SLCO6A1: variants seen among roughly 807,000 people sequenced by gnomAD.
SLCO6A1 encodes the protein cancer/testis antigen 48.
Under a neutral mutation model 72.7 loss-of-function variants are expected in SLCO6A1, and 65 were observed. The ratio of observed to expected loss-of-function variants is 0.89; its 90% CI spans 0.73 to 1.10. SLCO6A1 has a LOEUF of 1.10. Ranked by LOEUF, SLCO6A1 falls within the 50% of genes least tolerant of loss-of-function variation. The pLI is 0.00. For synonymous variants in SLCO6A1, 314 were observed against 298.2 expected (o/e 1.05, Z -0.55); for missense variants, 874 against 872.6 (o/e 1.00, Z -0.02).
chr5:102,455,027 T>TATATATATATATATATATATATATATAA (rs144619414), intron 6 of SLCO6A1, among the ~76,000 whole-genome samples: 3 of 141,828 alleles, frequency 2.1e-5, no homozygotes, highest in African/African-American at 8.1e-5. Context: ...TATATATATA[T>TATATATATATATATATATATATATATAA]AAATTATGTT....
At chr5:102,494,880 A>T (rs544878763) in intron 1 of SLCO6A1, among the ~76,000 whole-genome samples, 2 of 152,238 alleles carry the variant, frequency 1.3e-5, no homozygotes, top group Admixed American at 6.5e-5. Flanking sequence ...CCCAGCAATT[A>T]TATTCCTAGT....
chr5:102,412,024 A>G (rs989346547), intron 9 of SLCO6A1, among the ~76,000 whole-genome samples: 2 of 152,046 alleles, frequency 1.3e-5, no homozygotes, highest in Non-Finnish European at 2.9e-5. Context: ...GGTCTCCACA[A>G]TCTTTTTTCT....
intron 9 of SLCO6A1, among the ~76,000 whole-genome samples, chr5:102,409,040 T>C (rs1747824355): frequency 6.6e-6 from 1 of 152,058 alleles, no homozygotes; most frequent in African/African-American, 2.4e-5. Context: ...AAGGAATCAG[T>C]CTTGGGGAGA....
chr5:102,373,592 C>T (rs1169970149), intron 12 of SLCO6A1, 98 bp from the exon 13 acceptor site: 3 of 803,248 alleles, frequency 3.7e-6, no homozygotes, highest in Non-Finnish European at 5.2e-6. Context: ...GCATATTTCA[C>T]CTATAAAGGT....
rs989437349 is a variant in SLCO6A1 at position 102,425,808 on chromosome 5, C to T, written c.1277-5787G>A. 5.1e-5 allele frequency among the ~76,000 whole-genome samples: 7 copies of T among 137,818 alleles called. No homozygotes were observed. The East Asian group carries it at 1.4e-3, about 28-fold the overall frequency. 90.4% of individuals were successfully genotyped at this position (137,818 alleles called of 152,430 possible). A position where few individuals can be genotyped will look rare whatever the true frequency, so the allele number is the denominator to read the frequency against. On this transcript the variant is annotated intron_variant, in intron 7 of 13. Coordinates refer to ENST00000506729, the MANE Select transcript of SLCO6A1 (RefSeq NM_173488.5). ...TGGAACCAAAAAGAGCCCATACAGC[C>T]AAGACAATCCTAAGCCAAATGAACA... is the stretch of plus-strand genomic sequence containing the variant.
intron 12 of SLCO6A1, among the ~76,000 whole-genome samples, chr5:102,378,215 A>T (rs958839642): frequency 6.6e-6 from 1 of 152,058 alleles, no homozygotes; most frequent in African/African-American, 2.4e-5. Context: ...CATATACACC[A>T]TGGAATACTA....
intron 6 of SLCO6A1, among the ~76,000 whole-genome samples, chr5:102,443,290 T>C (rs561715793): frequency 2.0e-5 from 3 of 152,362 alleles, no homozygotes; most frequent in African/African-American, 7.2e-5. Flanking sequence ...TGTCTCCTTA[T>C]TGTGTATTCA....
intron 7 of SLCO6A1, 39 bp from the exon 8 acceptor site, chr5:102,420,060 C>A (rs748073657): frequency 2.7e-6 from 4 of 1,482,464 alleles, no homozygotes; most frequent in Non-Finnish European, 1.8e-6. Context: ...TAAAAATAAT[C>A]AGCTGATAGT....
At chr5:102,468,820 TTGAG>T (rs1342035204) in intron 4 of SLCO6A1, among the ~76,000 whole-genome samples, 10 of 152,176 alleles carry the variant, frequency 6.6e-5, no homozygotes, top group Non-Finnish European at 1.3e-4. Context: ...TTAATCCATC[TTGAG>T]TTAATTTTTG....
chr5:102,453,195 C>T (rs997435095), intron 6 of SLCO6A1, among the ~76,000 whole-genome samples: 1 of 151,952 alleles, frequency 6.6e-6, no homozygotes, highest in African/African-American at 2.4e-5. Context: ...GATTTCTCTA[C>T]ATAAAATTTA....
rs981082694 is a variant in SLCO6A1, at chr5:102,458,370, A to G, written c.1131+12T>C. The G allele has an allele frequency of 6.3e-7, 1 of 1,576,814 alleles. No homozygotes were observed. Among genetic ancestry groups the G allele is most frequent in the Non-Finnish European group, 8.7e-7 (1 of 1,153,002 alleles). ...CTTAGTTGGATTGTTCAAGTAAAAT[A>G]TTTTACTTTACCCAAAGAGCAGCAC... On this transcript the variant is annotated intron_variant, in intron 6 of 13. Transcript: ENST00000506729.
intron 1 of SLCO6A1, among the ~76,000 whole-genome samples, chr5:102,490,465 G>A (rs530868124): frequency 6.6e-6 from 1 of 152,290 alleles, no homozygotes; most frequent in African/African-American, 2.4e-5. Flanking sequence ...AGAACTACTT[G>A]AGACTGGATA....
At chr5:102,426,878 TTCA>T (rs1359890964) in intron 7 of SLCO6A1, among the ~76,000 whole-genome samples, 2 of 152,130 alleles carry the variant, frequency 1.3e-5, no homozygotes, top group African/African-American at 4.8e-5. Flanking sequence ...CAAATGCCCA[TTCA>T]TGATAGACGG....
intron 8 of SLCO6A1, among the ~76,000 whole-genome samples, chr5:102,415,064 C>A (rs1748208669): frequency 6.6e-6 from 1 of 151,912 alleles, no homozygotes; most frequent in South Asian, 2.1e-4. Context: ...TTGTTGATAA[C>A]ACAAACAAAT....
chr5:102,498,983 C>T lies in SLCO6A1; in HGVS notation c.-139G>A. 8 of 786,188 alleles carry T rather than the reference C, an allele frequency of 1.0e-5. No homozygotes were observed. The highest frequency in any genetic ancestry group is 1.6e-5 in the Non-Finnish European group (8 of 488,256). The allele number at this position is 786,188 out of a possible 1,614,324, so 48.7% of individuals were successfully genotyped here. On this transcript the variant is annotated 5_prime_UTR_variant, in exon 1 of 14. Transcript: ENST00000506729. Reference sequence around the variant, plus strand: ...AAGGGGCTCTTGCCGCCCAAGCCTCCAGAGCGAACGTTTCTCCTAGGGCAG... The same window carrying T: ...AAGGGGCTCTTGCCGCCCAAGCCTCTAGAGCGAACGTTTCTCCTAGGGCAG...
At position 102,399,697 on chromosome 5, in the gene SLCO6A1, CT is replaced by C. The variant is rs779428954; in HGVS notation, c.1671del (p.Asp558MetfsTer46). The C allele has an allele frequency of 1.3e-6, 2 of 1,596,186 alleles. No homozygotes were observed. The highest frequency in any genetic ancestry group is 4.5e-5 in the East Asian group (2 of 44,620). On this transcript the variant is annotated frameshift_variant, in exon 10 of 14. Coordinates refer to ENST00000506729, the MANE Select transcript of SLCO6A1 (RefSeq NM_173488.5). LOFTEE classifies it high-confidence loss of function. ...CSCIKEGLIT[A>X]DAEGDFIDAR... ...GCATCAATAAAATCACCTTCTGCAT[CT>C]GCAGTTATTAATCCTTCTTTAATGC...
intron 6 of SLCO6A1, among the ~76,000 whole-genome samples, chr5:102,448,795 A>G (rs1438867905): frequency 6.6e-6 from 1 of 152,108 alleles, no homozygotes; most frequent in East Asian, 1.9e-4. Flanking sequence ...TGAAGATAGC[A>G]TACAGTTAGG....
intron 6 of SLCO6A1, among the ~76,000 whole-genome samples, chr5:102,448,084 T>C (rs1049634910): frequency 6.6e-6 from 1 of 152,224 alleles, no homozygotes; most frequent in Non-Finnish European, 1.5e-5. Context: ...TTGTTTTCAT[T>C]ACTTTCAAAG....
chr5:102,416,819 T>C (rs768251395), intron 8 of SLCO6A1, among the ~76,000 whole-genome samples: 3 of 152,182 alleles, frequency 2.0e-5, no homozygotes, highest in Non-Finnish European at 4.4e-5. Flanking sequence ...CGTGCATGAA[T>C]AGAATGTGTA....
Sources: gnomAD v4.1 joint callset for allele counts (sites outside exome capture counted in the v4.1 genomes callset) on GRCh38, gnomAD v4.1.1 for gene constraint, MANE v1.5 for transcripts, NCBI Gene and HGNC (gene_info 2026-07-23, HGNC 2026-07-21) for gene names.